Variants in COL15A1 observed in about 807,000 individuals in gnomAD.
The protein encoded by COL15A1 is collagen alpha-1(XV) chain.
COL15A1 carries 111 observed loss-of-function variants against 165.9 expected under a neutral mutation model. The ratio of observed to expected loss-of-function variants is 0.67; its 90% CI spans 0.57 to 0.78. COL15A1 has a LOEUF of 0.78. Ranked by LOEUF, COL15A1 falls within the 30% of genes least tolerant of loss-of-function variation. The probability of loss-of-function intolerance (pLI) is 0.00; values close to 1 mark genes in which losing one functional copy is unlikely to be tolerated. For synonymous variants in COL15A1, 659 were observed against 674.8 expected (o/e 0.98, Z 0.36); for missense variants, 1,745 against 1,789.7 (o/e 0.98, Z 0.45).
intron 19 of COL15A1, 23 bp from the exon 20 acceptor site, chr9:99,036,147 T>G: frequency 6.3e-7 from 1 of 1,596,862 alleles, no homozygotes; most frequent in South Asian, 1.1e-5. Context: ...TAGAAGAATA[T>G]TTATTTTTGT....
At chr9:99,066,283 T>C (rs1336639147) in intron 39 of COL15A1, among the ~76,000 whole-genome samples, 1 of 152,198 alleles carries the variant, frequency 6.6e-6, no homozygotes, top group Non-Finnish European at 1.5e-5. Context: ...CTGACCAAGA[T>C]AGCAGGGATG....
chr9:99,042,753 G>T (rs1200634763), intron 24 of COL15A1, among the ~76,000 whole-genome samples: 1 of 152,196 alleles, frequency 6.6e-6, no homozygotes, highest in South Asian at 2.1e-4. Flanking sequence ...TTAGCACACA[G>T]AACACTTCCT....
At chr9:98,973,041 CG>C (rs1838086510) in intron 2 of COL15A1, among the ~76,000 whole-genome samples, 1 of 152,150 alleles carries the variant, frequency 6.6e-6, no homozygotes, top group Admixed American at 6.5e-5. Flanking sequence ...GCAGAAGGAA[CG>C]GGTAAGAGGA....
intron 2 of COL15A1, among the ~76,000 whole-genome samples, chr9:98,976,684 C>T (rs1165284379): frequency 5.3e-5 from 8 of 152,192 alleles, no homozygotes; most frequent in Non-Finnish European, 1.0e-4. Flanking sequence ...TTAGTTCAGC[C>T]AGCAAACACT....
intron 38 of COL15A1, 70 bp downstream of exon 38, chr9:99,062,374 T>A: frequency 8.8e-7 from 1 of 1,134,896 alleles, no homozygotes; most frequent in Non-Finnish European, 1.3e-6. Flanking sequence ...CCTTGGTATC[T>A]AGCACCAAGC....
At chr9:99,015,922 T>G in intron 10 of COL15A1, 54 bp from the exon 11 acceptor site, 1 of 1,591,136 alleles carries the variant, frequency 6.3e-7, no homozygotes, top group South Asian at 1.1e-5. Flanking sequence ...TACAACTCCC[T>G]GGCAGCCTCA....
At chr9:98,945,381 C>T (rs757153409) in intron 2 of COL15A1, among the ~76,000 whole-genome samples, 1 of 152,168 alleles carries the variant, frequency 6.6e-6, no homozygotes, top group Non-Finnish European at 1.5e-5. Flanking sequence ...AGGCTCTTGC[C>T]CTTGCTCAGC....
intron 2 of COL15A1, among the ~76,000 whole-genome samples, chr9:98,959,079 T>C (rs1414854163): frequency 6.6e-6 from 1 of 151,756 alleles, no homozygotes; most frequent in African/African-American, 2.4e-5. Flanking sequence ...GGAAAGAGTA[T>C]TGTAGCTTTG....
intron 22 of COL15A1, among the ~76,000 whole-genome samples, chr9:99,040,264 A>G (rs1234797103): frequency 6.6e-6 from 1 of 152,210 alleles, no homozygotes; most frequent in Non-Finnish European, 1.5e-5. Context: ...CTGTCCTCAC[A>G]GTCCCTGGGC....
chr9:99,034,402 G>T (rs1260738444), intron 16 of COL15A1, 147 bp from the exon 17 acceptor site: 2 of 1,322,892 alleles, frequency 1.5e-6, no homozygotes, highest in African/African-American at 1.5e-5. Context: ...ATTGTAATGT[G>T]TTTGGTTTGG....
chr9:99,047,885 G>T, intron 27 of COL15A1, 46 bp downstream of exon 27: 2 of 1,609,728 alleles, frequency 1.2e-6, no homozygotes, highest in Non-Finnish European at 1.7e-6. Flanking sequence ...GAGGACACGT[G>T]GGCCAGGCTG....
At chr9:99,039,532 A>G (rs1839364214) in intron 22 of COL15A1, among the ~76,000 whole-genome samples, 1 of 152,196 alleles carries the variant, frequency 6.6e-6, no homozygotes, top group Admixed American at 6.5e-5. Context: ...AAAAAAAACC[A>G]AAATATACAT....
chr9:99,066,123 A>T (rs898173662), intron 39 of COL15A1, among the ~76,000 whole-genome samples: 2 of 151,884 alleles, frequency 1.3e-5, no homozygotes, highest in African/African-American at 4.8e-5. Context: ...GATGAGATTG[A>T]TGGGAGGCAG....
At chr9:98,978,493 T>G (rs1193232017) in intron 2 of COL15A1, among the ~76,000 whole-genome samples, 2 of 152,192 alleles carry the variant, frequency 1.3e-5, no homozygotes, top group East Asian at 3.8e-4. Flanking sequence ...GAGGAAAAGC[T>G]TTTTACTGGA....
chr9:98,954,441 T>G (rs1271935103), intron 2 of COL15A1, among the ~76,000 whole-genome samples: 5 of 152,226 alleles, frequency 3.3e-5, no homozygotes, highest in African/African-American at 1.2e-4. Context: ...AGTGTTTAGT[T>G]GATGGCTTTT....
intron 2 of COL15A1, among the ~76,000 whole-genome samples, chr9:98,946,889 T>C (rs1418726270): frequency 6.6e-6 from 1 of 152,236 alleles, no homozygotes; most frequent in Non-Finnish European, 1.5e-5. Flanking sequence ...GAATCTGTAC[T>C]TGTAACCACT....
Position 99,024,268 on chromosome 9 carries a change from G to GTTTTTTTTT in COL15A1, c.1855-598_1855-597insTTTTTTTTT, listed in dbSNP as rs201734908. ...TAAAAACAAGGCTACACCACAAGCA[G>GTTTTTTTTT]TTTTTTTTGTTTTTTTGTTTTTTTT... On this transcript the variant is annotated intron_variant, in intron 14 of 41. Transcript: ENST00000375001. Among the ~76,000 whole-genome samples the GTTTTTTTTT allele has an allele frequency of 1.2e-3, 157 of 131,396 alleles. 9 individuals are homozygous for GTTTTTTTTT. Among genetic ancestry groups the GTTTTTTTTT allele is most frequent in the East Asian group, 4.6e-3 (20 of 4,374 alleles). 86.2% of individuals were successfully genotyped at this position (131,396 alleles called of 152,430 possible).
intron 2 of COL15A1, among the ~76,000 whole-genome samples, chr9:98,978,548 T>C (rs1190649833): frequency 1.3e-5 from 2 of 152,214 alleles, no homozygotes; most frequent in African/African-American, 4.8e-5. Flanking sequence ...AGGGTGTTTG[T>C]GGTTTTGTTT....
chr9:99,054,724 A>C (rs2117914281), intron 32 of COL15A1, 68 bp downstream of exon 32: 1 of 1,521,968 alleles, frequency 6.6e-7, no homozygotes, highest in South Asian at 1.2e-5. Flanking sequence ...CGACTGAGAA[A>C]TGTGACCTAG....
Sources: gnomAD v4.1 joint callset for allele counts (sites outside exome capture counted in the v4.1 genomes callset) on GRCh38, gnomAD v4.1.1 for gene constraint, MANE v1.5 for transcripts, NCBI Gene and HGNC (gene_info 2026-07-23, HGNC 2026-07-21) for gene names.